The following HSPA12A variants were observed in gnomAD, a reference collection of about 807,000 sequenced individuals.
The protein encoded by HSPA12A is heat shock protein family A (Hsp70) member 12A, also known as heat shock 70 kDa protein 12A.
In HSPA12A, 28 loss-of-function variants were observed where a neutral mutation model predicts 69.2. The observed-to-expected ratio is 0.40, with a 90% CI of 0.30 to 0.55. The LOEUF is 0.55. Ranked by LOEUF, HSPA12A falls within the 20% of genes least tolerant of loss-of-function variation. The pLI, the probability that HSPA12A is intolerant of heterozygous loss-of-function variation, is 0.38. For synonymous variants in HSPA12A, 345 were observed against 370.5 expected, an observed-to-expected ratio of 0.93 and a Z score of 0.79; for missense variants, 686 against 900.7, an observed-to-expected ratio of 0.76 and a Z score of 3.05.
chr10:116,813,717 CAA>C (rs34294587), intron 2 of HSPA12A, among the ~76,000 whole-genome samples: 1 of 150,420 alleles, frequency 6.6e-6, no homozygotes, highest in African/African-American at 2.4e-5. Flanking sequence ...TCCCTCTCTA[CAA>C]AAAAAAATGT....
At position 116,683,712 on chromosome 10, in the gene HSPA12A, T is replaced by C. The variant is rs1465556068; in HGVS notation, c.835+79A>G. ...TCTTCATTATGGCACTAAGTGCCTT[T>C]AAAATCATCAGAGGGAGAGAGACAT... On this transcript the variant is annotated intron_variant, in intron 7 of 11. Coordinates refer to ENST00000369209, the MANE Select transcript of HSPA12A (RefSeq NM_025015.3). 3 of 1,359,998 alleles carry C rather than the reference T, an allele frequency of 2.2e-6. No individual in the cohort carries two copies. The African/African-American group carries it at 4.3e-5, about 20-fold the overall frequency. The allele number at this position is 1,359,998 out of a possible 1,614,324, so 84.2% of individuals were successfully genotyped here.
chr10:116,684,962 C>A (rs924297615), intron 6 of HSPA12A, among the ~76,000 whole-genome samples: 5 of 152,226 alleles, frequency 3.3e-5, no homozygotes, highest in Non-Finnish European at 5.9e-5. Context: ...TCCCTGGCAC[C>A]TCTCATGGCC....
At chr10:116,739,364 A>G (rs1554886746) in intron 1 of HSPA12A, among the ~76,000 whole-genome samples, 1 of 152,204 alleles carries the variant, frequency 6.6e-6, no homozygotes, top group Admixed American at 6.5e-5. Context: ...GCACACACTA[A>G]GTCCTCAATA....
intron 1 of HSPA12A, among the ~76,000 whole-genome samples, chr10:116,739,065 G>A (rs376759638): frequency 6.6e-6 from 1 of 152,188 alleles, no homozygotes. Context: ...CTTGGTGGCT[G>A]AAGGAAGTAG....
rs79442136 is a variant in HSPA12A, at chr10:116,781,121, C to T, written c.91+53814G>A. On this transcript the variant is annotated intron_variant, in intron 2 of 12. Coordinates refer to the HSPA12A transcript ENST00000635765. ...GACTAAGTGTTACCTAGTGAGACCC[C>T]TGTCTCTACAAAAAAGAAACTTTTT... is the stretch of plus-strand genomic sequence containing the variant. 4.4e-3 allele frequency among the ~76,000 whole-genome samples: 677 copies of T among 152,170 alleles called. 3 individuals are homozygous for T. Among genetic ancestry groups the T allele is most frequent in the African/African-American group, 0.016 (648 of 41,514 alleles).
At chr10:116,767,429 G>A (rs1554889889) in intron 2 of HSPA12A, among the ~76,000 whole-genome samples, 1 of 152,146 alleles carries the variant, frequency 6.6e-6, no homozygotes, top group East Asian at 1.9e-4. Context: ...ACAGGAGAGG[G>A]TCATCCACCC....
chr10:116,849,853 G>C, upstream of HSPA12A: 1 of 1,159,024 alleles, frequency 8.6e-7, no homozygotes, highest in Admixed American at 2.3e-5. Flanking sequence ...CCGGGCCCTG[G>C]GCCTGCGTGT....
intron 1 of HSPA12A, among the ~76,000 whole-genome samples, chr10:116,741,043 C>G (rs568300913): frequency 8.6e-4 from 130 of 150,972 alleles, no homozygotes; most frequent in African/African-American, 3.0e-3. Flanking sequence ...AGTCCATTGC[C>G]TGCGTTCACC....
At chr10:116,707,149 GCGCGCACA>G (rs782652246) in intron 2 of HSPA12A, 43 bp downstream of exon 2, 23,597 of 445,036 alleles carry the variant, frequency 0.053, 405 homozygotes, top group East Asian at 0.26. Flanking sequence ...GCGCACCCAT[GCGCGCACA>G]CACACACACA....
chr10:116,744,448 C>A (rs1851602514), upstream of HSPA12A, among the ~76,000 whole-genome samples: 1 of 152,208 alleles, frequency 6.6e-6, no homozygotes, highest in Non-Finnish European at 1.5e-5. Context: ...AAACCCGTAG[C>A]CCCTGCACAT....
In HSPA12A at chr10:116,683,797, T is replaced by A. The variant is rs1311274453; in HGVS notation, c.829A>T (p.Thr277Ser). The change falls in exon 7 of 12, where the codon ACA becomes TCA. Residue 277 changes from threonine (T) to serine (S), a missense_variant. Transcript: ENST00000369209. ...AGAGAGAGAGCAGAGGTACCCTGTGTAAACCCAGCTCCTACTGTGTCACTG... is the reference window on the plus strand; with the variant it reads ...AGAGAGAGAGCAGAGGTACCCTGTGAAAACCCAGCTCCTACTGTGTCACTG... ...SGSDTVGAGFTQAKEHIRRNR... is the reference protein window; with the variant it reads ...SGSDTVGAGFSQAKEHIRRNR... 6.4e-7 allele frequency: 1 copy of A among 1,556,246 alleles called. No individual in the cohort carries two copies. Among genetic ancestry groups the A allele is most frequent in the East Asian group, 2.3e-5 (1 of 43,788 alleles).
At chr10:116,817,458 G>A (rs1408712062) in intron 2 of HSPA12A, among the ~76,000 whole-genome samples, 4 of 151,260 alleles carry the variant, frequency 2.6e-5, no homozygotes, top group African/African-American at 9.7e-5. Flanking sequence ...TCAAGTTCAG[G>A]GACAGGCTGG....
intron 2 of HSPA12A, among the ~76,000 whole-genome samples, chr10:116,803,697 C>T (rs1435031518): frequency 2.0e-5 from 3 of 152,194 alleles, no homozygotes; most frequent in Non-Finnish European, 1.5e-5. Flanking sequence ...AGCTGTTTCT[C>T]TTCTGAATGA....
At position 116,836,768 on chromosome 10, in the gene HSPA12A, A is replaced by AACATACACACAC. The variant is rs778091882; in HGVS notation, c.4-1747_4-1746insGTGTGTGTATGT. ...GTGTAGAATTGTGGTAAACGAACCG[A>AACATACACACAC]ACACACACACACACACACACACACA... On this transcript the variant is annotated intron_variant, in intron 1 of 12. Coordinates refer to the HSPA12A transcript ENST00000635765. 2.6e-3 allele frequency among the ~76,000 whole-genome samples: 376 copies of AACATACACACAC among 146,602 alleles called. 5 individuals carry two copies. The highest frequency in any genetic ancestry group is 9.0e-3 in the African/African-American group (360 of 40,112).
chr10:116,811,579 T>TAAAAAAAAA (rs60912684), intron 2 of HSPA12A, among the ~76,000 whole-genome samples: 5 of 105,932 alleles, frequency 4.7e-5, no homozygotes, highest in African/African-American at 1.9e-4. Context: ...TTGCTTTTGT[T>TAAAAAAAAA]AAAAAAAAAA....
intron 2 of HSPA12A, among the ~76,000 whole-genome samples, chr10:116,786,796 C>T (rs999233623): frequency 1.2e-4 from 19 of 152,074 alleles, no homozygotes; most frequent in South Asian, 2.1e-4. Context: ...CCCACCACCA[C>T]GTCCAGCTAA....
chr10:116,678,689 T>C (rs1336631344), intron 10 of HSPA12A, among the ~76,000 whole-genome samples: 3 of 152,082 alleles, frequency 2.0e-5, no homozygotes, highest in African/African-American at 7.2e-5. Context: ...GGTATTGTGG[T>C]TGTGATTTAA....
intron 2 of HSPA12A, among the ~76,000 whole-genome samples, chr10:116,788,165 A>C (rs1183387073): frequency 6.6e-6 from 1 of 152,210 alleles, no homozygotes; most frequent in African/African-American, 2.4e-5. Context: ...GAGCCGACCA[A>C]AGCACATCCT....
At chr10:116,768,152 A>G (rs1554889973) in intron 2 of HSPA12A, among the ~76,000 whole-genome samples, 1 of 152,214 alleles carries the variant, frequency 6.6e-6, no homozygotes, top group African/African-American at 2.4e-5. Flanking sequence ...TCCATACAGT[A>G]GAACATTATT....
Sources: gnomAD v4.1 joint callset for allele counts (sites outside exome capture counted in the v4.1 genomes callset) on GRCh38, gnomAD v4.1.1 for gene constraint, MANE v1.5 for transcripts, NCBI Gene and HGNC (gene_info 2026-07-23, HGNC 2026-07-21) for gene names.